DNAH8: variants seen among roughly 807,000 people sequenced by gnomAD.
The protein encoded by DNAH8 is axonemal beta dynein heavy chain 8.
DNAH8 carries 382 observed loss-of-function variants against 562.1 expected under a neutral mutation model. The observed-to-expected ratio is 0.68, with a 90% CI of 0.63 to 0.74. DNAH8 has a LOEUF of 0.74. Among genes scored for constraint, DNAH8 ranks in the 30% least tolerant of loss-of-function variants. The pLI is 0.00. For synonymous variants in DNAH8, 1,881 were observed against 1,919.4 expected, an observed-to-expected ratio of 0.98 and a Z score of 0.52; for missense variants, 5,203 against 5,620.4, an observed-to-expected ratio of 0.93 and a Z score of 2.37.
At chr6:38,821,808 C>T (rs562028028) in intron 26 of DNAH8, among the ~76,000 whole-genome samples, 25 of 152,160 alleles carry the variant, frequency 1.6e-4, no homozygotes, top group Non-Finnish European at 3.2e-4. Flanking sequence ...ACGATCTCCC[C>T]GCCTGGGCTT....
chr6:38,853,334 A>G lies in DNAH8; in HGVS notation c.5720A>G (p.His1907Arg), dbSNP rs763067053. 3 of 1,613,118 alleles carry G rather than the reference A, an allele frequency of 1.9e-6. No individual in the cohort carries two copies. The highest frequency in any genetic ancestry group is 2.5e-6 in the Non-Finnish European group (3 of 1,179,604). Residue 1907 changes from histidine to arginine, a missense_variant, in exon 41 of 93, where the codon CAC becomes CGC. Around this residue, in one of 6 missense-constraint regions of DNAH8, gnomAD observed 2,176 missense variants for 2,365.1 expected, o/e 0.92. Transcript: ENST00000327475. Reference sequence around the variant, plus strand: ...TTTCAACTCTTACCATTCCTCAGCCACTTTCCAGCACAGGTGAGAATACAC... The same window carrying G: ...TTTCAACTCTTACCATTCCTCAGCCGCTTTCCAGCACAGGTGAGAATACAC... Reference protein sequence around the residue: ...SGFQLLPFLSHFPAQVGLLGI... With the variant: ...SGFQLLPFLSRFPAQVGLLGI...
At position 38,823,493 on chromosome 6, in the gene DNAH8, T is replaced by G. The variant is rs1773057820; in HGVS notation, c.3721-69T>G. The stretch of plus-strand genomic sequence containing the variant: ...GTAAATGTGTATGAGCAAATGCAAT[T>G]TTCTAATGTAACTATGGTAAGATTT... On this transcript the variant is annotated intron_variant, in intron 27 of 92. Coordinates refer to ENST00000327475, the MANE Select transcript of DNAH8 (RefSeq NM_001206927.2). 2.4e-6 allele frequency: 3 copies of G among 1,264,962 alleles called. No individual in the cohort carries two copies. In the Admixed American group the frequency reaches 5.6e-5, roughly 23 times the overall value. The allele number at this position is 1,264,962 out of a possible 1,614,324, so 78.4% of individuals were successfully genotyped here.
Position 38,982,364 on chromosome 6 carries a change from C to T in DNAH8, c.12853C>T (p.Pro4285Ser), listed in dbSNP as rs1240266005. 1 of 1,600,190 alleles carries T rather than the reference C, an allele frequency of 6.2e-7. No homozygotes were observed. The highest frequency in any genetic ancestry group is 8.6e-7 in the Non-Finnish European group (1 of 1,168,912). The change falls in exon 86 of 93, where the codon CCC becomes TCC. Residue 4285 changes from proline (P) to serine (S), a missense_variant. Transcript: ENST00000327475. ...STVQERRKFGPLGWNIPYEFN... is the reference protein window; with the variant it reads ...STVQERRKFGSLGWNIPYEFN... The stretch of plus-strand genomic sequence containing the variant: ...TTTTAAGGAGCGACGAAAATTTGGC[C>T]CCTTAGGATGGAATATTCCCTACGA...
chr6:38,893,369 A>T (rs1424137894), intron 58 of DNAH8, among the ~76,000 whole-genome samples: 1 of 152,206 alleles, frequency 6.6e-6, no homozygotes, highest in Non-Finnish European at 1.5e-5. Flanking sequence ...GTAGAGGGAA[A>T]TATTAGAAGA....
chr6:38,873,292 G>A lies in DNAH8; in HGVS notation c.7536G>A (p.Glu2512=), dbSNP rs368018225. Reference sequence around the variant, plus strand: ...CTGCTGTATTCCTGACACTGTATGAGAAAGTCTTTGAAGATACATACACAT... The same window carrying A: ...CTGCTGTATTCCTGACACTGTATGAAAAAGTCTTTGAAGATACATACACAT... ...QEAAVFLTLY[E]KVFEDTYTYM... is the part of the protein sequence containing the mutation. Residue 2512 remains glutamate (E), a synonymous_variant, in exon 52 of 93, where the codon GAG becomes GAA. Coordinates refer to ENST00000327475, the MANE Select transcript of DNAH8 (RefSeq NM_001206927.2). 1.6e-5 allele frequency: 26 copies of A among 1,613,696 alleles called. No individual in the cohort carries two copies. Among genetic ancestry groups the A allele is most frequent in the Non-Finnish European group, 2.2e-5 (26 of 1,179,908 alleles).
At chr6:38,955,124 A>G (rs1762160619) in intron 82 of DNAH8, among the ~76,000 whole-genome samples, 1 of 151,802 alleles carries the variant, frequency 6.6e-6, no homozygotes, top group Admixed American at 6.6e-5. Context: ...CACACCACTA[A>G]TCCTAGCCAC....
chr6:38,923,099 G>A lies in DNAH8; in HGVS notation c.10704G>A (p.Gln3568=). Residue 3568 remains glutamine (Q), a synonymous_variant, in exon 72 of 93, where the codon CAG becomes CAA. Coordinates refer to ENST00000327475, the MANE Select transcript of DNAH8 (RefSeq NM_001206927.2). ...NDADTCRKKM[Q]AASTLIDGLS... is the part of the protein sequence containing the mutation. ...CTGATACGTGCCGGAAAAAGATGCA[G>A]GCCGCCTCCACTCTCATCGATGGGC... 6.2e-7 allele frequency: 1 copy of A among 1,613,702 alleles called. No homozygotes were observed. Among genetic ancestry groups the A allele is most frequent in the Non-Finnish European group, 8.5e-7 (1 of 1,179,798 alleles).
chr6:38,735,304 G>C (rs962963823), intron 5 of DNAH8, among the ~76,000 whole-genome samples: 14 of 152,124 alleles, frequency 9.2e-5, no homozygotes, highest in African/African-American at 3.4e-4. Flanking sequence ...TTTACAATGG[G>C]AAAGGGAACT....
rs371873224 is a variant in DNAH8, at chr6:39,027,766, C to G, written c.13836+1099C>G. ...GCTTGAATACAGGAGGCGGAGGTTG[C>G]GGTGAACTGAGATCCCGCCACTGCA... On this transcript the variant is annotated intron_variant, in intron 92 of 92. Coordinates refer to ENST00000327475, the MANE Select transcript of DNAH8 (RefSeq NM_001206927.2). Among the ~76,000 whole-genome samples the G allele has an allele frequency of 2.7e-4, 41 of 152,192 alleles. 1 individual carries two copies. In the East Asian group the frequency reaches 3.3e-3, roughly 12 times the overall value.
intron 92 of DNAH8, among the ~76,000 whole-genome samples, chr6:39,029,890 G>C (rs1461125369): frequency 6.6e-6 from 1 of 152,116 alleles, no homozygotes; most frequent in Non-Finnish European, 1.5e-5. Context: ...TAACAAACAC[G>C]AACATCTCTA....
At chr6:38,850,230 T>C in intron 37 of DNAH8, 21 bp from the exon 38 acceptor site, 1 of 1,605,546 alleles carries the variant, frequency 6.2e-7, no homozygotes, top group South Asian at 1.1e-5. Flanking sequence ...TAATCTTTAC[T>C]GGCTATGGAT....
Position 38,936,089 on chromosome 6 carries a change from T to C in DNAH8, c.11563+392T>C, listed in dbSNP as rs144427815. 1.4e-3 allele frequency among the ~76,000 whole-genome samples: 220 copies of C among 151,768 alleles called. 1 individual carries two copies. The highest frequency in any genetic ancestry group is 5.1e-3 in the African/African-American group (211 of 41,386). ...CCAAGCCAGACGTGGTGGCTCATGC[T>C]TCTAATCCCAGCACTTTGGGAGACC... On this transcript the variant is annotated intron_variant, in intron 77 of 92. Transcript: ENST00000327475.
intron 21 of DNAH8, among the ~76,000 whole-genome samples, chr6:38,802,916 C>G (rs182363660): frequency 6.6e-6 from 1 of 152,334 alleles, no homozygotes; most frequent in Admixed American, 6.5e-5. Context: ...ATGTGAATAT[C>G]AAGGTAGATT....
intron 30 of DNAH8, among the ~76,000 whole-genome samples, chr6:38,829,514 G>A (rs1773652787): frequency 6.6e-6 from 1 of 152,098 alleles, no homozygotes; most frequent in Non-Finnish European, 1.5e-5. Flanking sequence ...TTGTGCATAT[G>A]GTATAAGTTA....
intron 48 of DNAH8, 46 bp downstream of exon 48, chr6:38,868,242 T>C: frequency 6.4e-7 from 1 of 1,560,226 alleles, no homozygotes; most frequent in Non-Finnish European, 8.7e-7. Context: ...TAATATTGTT[T>C]CTTTCTATTT....
At chr6:38,748,367 A>T (rs1052112108) in intron 8 of DNAH8, among the ~76,000 whole-genome samples, 3 of 152,186 alleles carry the variant, frequency 2.0e-5, no homozygotes, top group Admixed American at 2.0e-4. Context: ...CAATGTAAAG[A>T]TCCAAGAAGG....
intron 57 of DNAH8, among the ~76,000 whole-genome samples, chr6:38,889,133 C>A (rs1168720410): frequency 6.6e-6 from 1 of 152,182 alleles, no homozygotes; most frequent in African/African-American, 2.4e-5. Context: ...AGATATTTAT[C>A]ACTAGTAAAA....
Position 38,837,939 on chromosome 6 carries a change from C to A in DNAH8, c.4366-3C>A. 1 of 1,600,024 alleles carries A rather than the reference C, an allele frequency of 6.2e-7. No individual in the cohort carries two copies. Among genetic ancestry groups the A allele is most frequent in the Non-Finnish European group, 8.5e-7 (1 of 1,170,750 alleles). ...TAGTACAATTTAAAAACCTTTGTTA[C>A]AGGCCAGTTTCGATGATCTGTGGAG... On this transcript the variant is annotated splice_polypyrimidine_tract_variant and splice_region_variant and intron_variant, in intron 32 of 92. Coordinates refer to ENST00000327475, the MANE Select transcript of DNAH8 (RefSeq NM_001206927.2).
chr6:38,781,801 G>A (rs1295871167), intron 16 of DNAH8, among the ~76,000 whole-genome samples: 1 of 152,142 alleles, frequency 6.6e-6, no homozygotes, highest in South Asian at 2.1e-4. Flanking sequence ...CTGCCACTGA[G>A]AGCGGAATAT....
Sources: gnomAD v4.1 joint callset for allele counts (sites outside exome capture counted in the v4.1 genomes callset) on GRCh38, gnomAD v4.1.1 for gene constraint, gnomAD v4.1.1 regional missense constraint, MANE v1.5 for transcripts, NCBI Gene and HGNC (gene_info 2026-07-23, HGNC 2026-07-21) for gene names.